Variants in PIP5K1B observed in about 807,000 individuals in gnomAD.
The protein encoded by PIP5K1B is phosphatidylinositol-4-phosphate 5-kinase type 1 beta.
Under a neutral mutation model 67.0 loss-of-function variants are expected in PIP5K1B, and 42 were observed. The observed-to-expected ratio is 0.63, with a 90% CI of 0.49 to 0.81. PIP5K1B has a LOEUF of 0.81. Among genes scored for constraint, PIP5K1B ranks in the 30% least tolerant of loss-of-function variants. The pLI is 0.00. For synonymous variants in PIP5K1B, 214 were observed against 231.4 expected (o/e 0.92, Z 0.68); for missense variants, 459 against 646.3 (o/e 0.71, Z 3.14).
chr9:68,919,769 T>C (rs750307658), intron 11 of PIP5K1B, 40 bp downstream of exon 11: 2 of 1,173,994 alleles, frequency 1.7e-6, no homozygotes, highest in Non-Finnish European at 2.5e-6. Context: ...TATATATTTC[T>C]GCTTTCTCAG....
intron 14 of PIP5K1B, among the ~76,000 whole-genome samples, chr9:68,968,079 T>C (rs1829133338): frequency 6.6e-6 from 1 of 152,242 alleles, no homozygotes; most frequent in Admixed American, 6.5e-5. Flanking sequence ...GAATTCTGAT[T>C]AAAGCTATTT....
At chr9:68,898,395 A>G (rs146665742) in intron 8 of PIP5K1B, among the ~76,000 whole-genome samples, 124 of 152,220 alleles carry the variant, frequency 8.1e-4, no homozygotes, top group African/African-American at 2.7e-3. Context: ...CTGACCCTCT[A>G]TATGCTCACT....
intron 4 of PIP5K1B, among the ~76,000 whole-genome samples, chr9:68,845,965 T>C (rs1822170363): frequency 6.6e-6 from 1 of 152,238 alleles, no homozygotes; most frequent in South Asian, 2.1e-4. Flanking sequence ...TTGTAAAACA[T>C]GATCTAGGAT....
chr9:68,810,940 AAG>A (rs1833131641), intron 2 of PIP5K1B, among the ~76,000 whole-genome samples: 2 of 152,232 alleles, frequency 1.3e-5, no homozygotes, highest in South Asian at 4.1e-4. Flanking sequence ...AAACAAGTAA[AAG>A]AGAGAGGTGT....
At chr9:68,977,341 G>A (rs1829677793) in intron 14 of PIP5K1B, among the ~76,000 whole-genome samples, 1 of 152,102 alleles carries the variant, frequency 6.6e-6, no homozygotes, top group South Asian at 2.1e-4. Context: ...GGCCAACCTG[G>A]GGAAATCCCA....
chr9:68,838,151 G>A (rs1382601741), intron 4 of PIP5K1B, among the ~76,000 whole-genome samples: 4 of 148,890 alleles, frequency 2.7e-5, no homozygotes, highest in Admixed American at 2.7e-4. Flanking sequence ...TGATTTATGT[G>A]AGTTTATTTT....
chr9:68,973,494 A>G (rs1018490649), intron 14 of PIP5K1B, among the ~76,000 whole-genome samples: 1 of 152,214 alleles, frequency 6.6e-6, no homozygotes, highest in Non-Finnish European at 1.5e-5. Flanking sequence ...AAAACATAGG[A>G]AAAGGGTATA....
intron 12 of PIP5K1B, among the ~76,000 whole-genome samples, chr9:68,932,238 T>C (rs1413136009): frequency 6.6e-6 from 1 of 152,172 alleles, no homozygotes; most frequent in Non-Finnish European, 1.5e-5. Flanking sequence ...TGTTTCTTCG[T>C]TTAGAGAAAT....
intron 15 of PIP5K1B, among the ~76,000 whole-genome samples, chr9:69,002,915 G>A (rs189830260): frequency 3.0e-4 from 46 of 152,288 alleles, no homozygotes; most frequent in African/African-American, 9.6e-4. Flanking sequence ...CGCAGGAGGC[G>A]GAGGTTGCAG....
Position 68,818,655 on chromosome 9 carries a change from C to T in PIP5K1B, c.-1+110C>T, listed in dbSNP as rs1163832653. ...AATATTCTAAAACATATATCTAGCT[C>T]ATAACCTTTAACTCTGACATCAAAT... On this transcript the variant is annotated intron_variant, in intron 3 of 15. Coordinates refer to ENST00000265382, the MANE Select transcript of PIP5K1B (RefSeq NM_003558.4). The T allele has an allele frequency of 2.0e-5, 3 of 152,220 alleles. No homozygotes were observed. In the East Asian group the frequency reaches 5.8e-4, roughly 29 times the overall value. The allele number at this position is 152,220 out of a possible 1,614,324, so 9.4% of individuals were successfully genotyped here.
In PIP5K1B at chr9:68,810,201, A is replaced by G. The variant is rs548282928; in HGVS notation, c.-85-8260A>G. ...ATATGGCTATCCTATTGGAAGCCCA[A>G]TTCCCATAGGGCAAGTTGCACTCAT... On this transcript the variant is annotated intron_variant, in intron 2 of 15. Coordinates refer to ENST00000265382, the MANE Select transcript of PIP5K1B (RefSeq NM_003558.4). 1.5e-3 allele frequency among the ~76,000 whole-genome samples: 221 copies of G among 152,344 alleles called. 1 individual carries two copies. Among genetic ancestry groups the G allele is most frequent in the African/African-American group, 4.9e-3 (204 of 41,590 alleles).
intron 2 of PIP5K1B, among the ~76,000 whole-genome samples, chr9:68,748,596 A>G (rs1410633296): frequency 6.9e-6 from 1 of 145,264 alleles, no homozygotes; most frequent in Non-Finnish European, 1.5e-5. Flanking sequence ...TCGGCGGCTG[A>G]GTTTCAGATT....
chr9:68,733,140 T>TC (rs1392165439), intron 1 of PIP5K1B, among the ~76,000 whole-genome samples: 1 of 152,188 alleles, frequency 6.6e-6, no homozygotes, highest in Non-Finnish European at 1.5e-5. Context: ...TTAGAAGTCC[T>TC]CTAAGAAGCC....
intron 4 of PIP5K1B, chr9:68,824,173 G>C (rs763621380): frequency 1.9e-6 from 1 of 518,998 alleles, no homozygotes; most frequent in Non-Finnish European, 3.8e-6. Flanking sequence ...CCAACACAGA[G>C]ATGATTACGT....
At chr9:68,986,213 G>A (rs1830089033) in intron 14 of PIP5K1B, among the ~76,000 whole-genome samples, 1 of 152,234 alleles carries the variant, frequency 6.6e-6, no homozygotes, top group South Asian at 2.1e-4. Flanking sequence ...CATCAGCAGT[G>A]TATGAGGGCT....
At chr9:68,892,413 T>C (rs2132398923) in intron 7 of PIP5K1B, among the ~76,000 whole-genome samples, 1 of 152,308 alleles carries the variant, frequency 6.6e-6, no homozygotes, top group East Asian at 1.9e-4. Context: ...GTAGGATGAG[T>C]ACAGTTTTAG....
At chr9:68,882,581 T>C (rs1333555992) in intron 6 of PIP5K1B, among the ~76,000 whole-genome samples, 1 of 152,198 alleles carries the variant, frequency 6.6e-6, no homozygotes, top group African/African-American at 2.4e-5. Context: ...TGTTCAGGTC[T>C]GAATCCAGTT....
chr9:68,922,124 C>A (rs146324222), intron 11 of PIP5K1B, among the ~76,000 whole-genome samples: 300 of 152,244 alleles, frequency 2.0e-3, no homozygotes, highest in Non-Finnish European at 3.7e-3. Flanking sequence ...AAGAATGTGT[C>A]CACTTCAGGC....
chr9:68,784,721 A>T (rs1831514828), intron 2 of PIP5K1B: 1 of 157,610 alleles, frequency 6.3e-6, no homozygotes, highest in South Asian at 2.1e-4. Flanking sequence ...TGAACCAAGA[A>T]GATGATGATC....
Sources: allele counts gnomAD v4.1 joint callset (sites outside exome capture counted in the v4.1 genomes callset), GRCh38; gene constraint gnomAD v4.1.1; transcripts MANE v1.5; gene names NCBI Gene and HGNC (gene_info 2026-07-23, HGNC 2026-07-21).